SLC2A13: variants seen among roughly 807,000 people sequenced by gnomAD.
The protein encoded by SLC2A13 is solute carrier family 2 member 13, also known as proton myo-inositol cotransporter.
In SLC2A13, 32 loss-of-function variants were observed where a neutral mutation model predicts 64.4. The observed-to-expected ratio is 0.50, with a 90% CI of 0.37 to 0.67. The LOEUF (loss-of-function observed/expected upper bound fraction) is 0.67. Ranked by LOEUF, SLC2A13 falls within the 30% of genes least tolerant of loss-of-function variation. SLC2A13 has a pLI of 0.00. For synonymous variants in SLC2A13, 338 were observed against 327.1 expected (o/e 1.03, Z -0.36); for missense variants, 743 against 829.2 (o/e 0.90, Z 1.28).
At chr12:39,814,873 G>A (rs7295344) in intron 7 of SLC2A13, among the ~76,000 whole-genome samples, 101,977 of 151,908 alleles carry the variant, frequency 0.67, 34,536 homozygotes, top group East Asian at 0.77. Flanking sequence ...ATTATCAATC[G>A]CTTTATCCTC....
In SLC2A13 at chr12:39,873,957, T is replaced by C. The variant is rs533057099; in HGVS notation, c.1035-1996A>G. Among the ~76,000 whole-genome samples, 6 of 152,344 alleles carry C rather than the reference T, an allele frequency of 3.9e-5. No homozygotes were observed. The East Asian group carries it at 1.2e-3, about 29-fold the overall frequency. The stretch of plus-strand genomic sequence containing the variant: ...ATATTTATTTATTAAGTACCTAGTG[T>C]ATAAGCTATGTGAATTACTAAGATC... On this transcript the variant is annotated intron_variant, in intron 4 of 9. Transcript: ENST00000280871.
At chr12:39,985,308 C>T (rs1006874909) in intron 3 of SLC2A13, among the ~76,000 whole-genome samples, 1 of 152,018 alleles carries the variant, frequency 6.6e-6, no homozygotes, top group South Asian at 2.1e-4. Flanking sequence ...CTATATCTGC[C>T]TGTTTCTCTT....
chr12:39,865,094 T>C (rs1943872995), intron 5 of SLC2A13, among the ~76,000 whole-genome samples: 1 of 152,200 alleles, frequency 6.6e-6, no homozygotes, highest in African/African-American at 2.4e-5. Flanking sequence ...TTGTGAGACA[T>C]GATGAGAGTG....
intron 1 of SLC2A13, among the ~76,000 whole-genome samples, chr12:40,104,083 GCA>G (rs1389310874): frequency 1.3e-5 from 2 of 152,112 alleles, no homozygotes; most frequent in Admixed American, 6.5e-5. Flanking sequence ...AGGGTGAAAA[GCA>G]CAAACATCAA....
At chr12:39,850,342 A>G (rs1943433259) in intron 6 of SLC2A13, among the ~76,000 whole-genome samples, 1 of 152,186 alleles carries the variant, frequency 6.6e-6, no homozygotes, top group African/African-American at 2.4e-5. Context: ...ATAAATATAA[A>G]GAAAGTATAG....
At chr12:39,864,720 A>G (rs769008423) in intron 6 of SLC2A13, 42 bp downstream of exon 6, 9 of 1,600,990 alleles carry the variant, frequency 5.6e-6, no homozygotes, top group African/African-American at 1.3e-5. Flanking sequence ...CAAAAAAGTT[A>G]CCAGAGTCAT....
intron 1 of SLC2A13, among the ~76,000 whole-genome samples, chr12:40,078,025 T>C (rs1012101029): frequency 2.0e-5 from 3 of 152,190 alleles, no homozygotes; most frequent in African/African-American, 7.2e-5. Flanking sequence ...TTGCTGAAGT[T>C]GTTTATCAAT....
intron 7 of SLC2A13, among the ~76,000 whole-genome samples, chr12:39,792,241 T>C (rs368552409): frequency 1.5e-4 from 21 of 136,842 alleles, no homozygotes; most frequent in Non-Finnish European, 9.5e-5. Flanking sequence ...GGATTAAAGA[T>C]TTAAACGTTA....
At chr12:39,765,779 A>T (rs535203856) in intron 7 of SLC2A13, among the ~76,000 whole-genome samples, 1 of 152,194 alleles carries the variant, frequency 6.6e-6, no homozygotes, top group South Asian at 2.1e-4. Context: ...CAGGTTTGTT[A>T]CATAGGTAAA....
chr12:39,929,559 A>G (rs1273616261), intron 4 of SLC2A13, among the ~76,000 whole-genome samples: 1 of 151,902 alleles, frequency 6.6e-6, no homozygotes, highest in Non-Finnish European at 1.5e-5. Flanking sequence ...TCAAAAAAAA[A>G]AAGCAAAAGA....
chr12:39,797,837 A>C (rs1269105961), intron 7 of SLC2A13, among the ~76,000 whole-genome samples: 1 of 152,140 alleles, frequency 6.6e-6, no homozygotes, highest in African/African-American at 2.4e-5. Context: ...CCATGTAAAC[A>C]TAAAAGTTAT....
At chr12:40,000,388 A>G (rs548449418) in intron 3 of SLC2A13, among the ~76,000 whole-genome samples, 28 of 152,116 alleles carry the variant, frequency 1.8e-4, no homozygotes, top group Non-Finnish European at 3.8e-4. Context: ...CTAAATTTAA[A>G]CTGAAACTCA....
intron 3 of SLC2A13, among the ~76,000 whole-genome samples, chr12:39,960,132 T>C (rs539230594): frequency 6.6e-6 from 1 of 152,370 alleles, no homozygotes; most frequent in African/African-American, 2.4e-5. Flanking sequence ...AAAATATCAG[T>C]TACTTTTCTC....
At position 39,848,679 on chromosome 12, in the gene SLC2A13, G is replaced by A. The variant is rs183067663; in HGVS notation, c.1319+16083C>T. Among the ~76,000 whole-genome samples the A allele has an allele frequency of 3.2e-3, 491 of 152,154 alleles. 1 individual carries two copies. Among genetic ancestry groups the A allele is most frequent in the African/African-American group, 0.011 (469 of 41,528 alleles). ...CCAGCTCCCATTTCTAGGTATATAT[G>A]CAGAGGAATGTAAAGCATTCTACCA... On this transcript the variant is annotated intron_variant, in intron 6 of 9. Transcript: ENST00000280871.
At chr12:39,902,479 T>C (rs1945153775) in intron 4 of SLC2A13, among the ~76,000 whole-genome samples, 1 of 152,074 alleles carries the variant, frequency 6.6e-6, no homozygotes, top group South Asian at 2.1e-4. Context: ...TCATACTTCT[T>C]GTAATAAATT....
chr12:39,818,132 C>A (rs1016999088), intron 7 of SLC2A13, among the ~76,000 whole-genome samples: 2 of 152,164 alleles, frequency 1.3e-5, no homozygotes, highest in African/African-American at 4.8e-5. Flanking sequence ...GTGACATCCC[C>A]AGGTGTGTGA....
chr12:40,058,000 A>T (rs1407604976), intron 1 of SLC2A13, among the ~76,000 whole-genome samples: 1 of 152,036 alleles, frequency 6.6e-6, no homozygotes, highest in Admixed American at 6.6e-5. Flanking sequence ...CATCTAGGGC[A>T]TACAAATGTC....
At chr12:39,906,844 G>A (rs1313406122) in intron 4 of SLC2A13, among the ~76,000 whole-genome samples, 2 of 152,048 alleles carry the variant, frequency 1.3e-5, no homozygotes, top group African/African-American at 2.4e-5. Flanking sequence ...AATATCCCTT[G>A]AAGTATGAAA....
intron 9 of SLC2A13, among the ~76,000 whole-genome samples, chr12:39,760,953 A>AACACACACACACACACACACACACACAC (rs71449492): frequency 0.088 from 8,899 of 101,462 alleles, 953 homozygotes; most frequent in East Asian, 0.27. Context: ...GTCTCTACCA[A>AACACACACACACACACACACACACACAC]ACACACACAC....
Sources: allele counts gnomAD v4.1 joint callset (sites outside exome capture counted in the v4.1 genomes callset), GRCh38; gene constraint gnomAD v4.1.1; transcripts MANE v1.5; gene names NCBI Gene and HGNC (gene_info 2026-07-23, HGNC 2026-07-21).